UNC5D: variants seen among roughly 807,000 people sequenced by gnomAD.
UNC5D encodes unc-5 netrin receptor D.
A neutral mutation model predicts 105.4 loss-of-function variants in UNC5D; 39 were observed. The ratio of observed to expected loss-of-function variants is 0.37; its 90% confidence interval spans 0.29 to 0.48. UNC5D has a LOEUF of 0.48. UNC5D is among the 20% of genes least tolerant of loss of function. UNC5D has a pLI of 0.98. For missense variants in UNC5D, 991 were observed against 1,202.4 expected, an observed-to-expected ratio of 0.82 and a Z score of 2.60; for synonymous variants, 452 against 450.4, an observed-to-expected ratio of 1.00 and a Z score of -0.04.
intron 1 of UNC5D, among the ~76,000 whole-genome samples, chr8:35,399,272 T>C (rs1053631402): frequency 6.6e-6 from 1 of 151,482 alleles, no homozygotes; most frequent in Non-Finnish European, 1.5e-5. Context: ...AGCAAACCAA[T>C]AGACTCTTCA....
intron 1 of UNC5D, among the ~76,000 whole-genome samples, chr8:35,391,188 A>G (rs537176074): frequency 6.6e-6 from 1 of 152,340 alleles, no homozygotes; most frequent in East Asian, 1.9e-4. Flanking sequence ...TATTTGTTCA[A>G]CCTTAATGTT....
chr8:35,414,123 T>C (rs541774836), intron 1 of UNC5D, among the ~76,000 whole-genome samples: 3 of 152,300 alleles, frequency 2.0e-5, no homozygotes, highest in African/African-American at 4.8e-5. Context: ...TCATTAATTC[T>C]ACTGTTTAAT....
chr8:35,499,846 A>G (rs1191747090), intron 1 of UNC5D, among the ~76,000 whole-genome samples: 1 of 152,202 alleles, frequency 6.6e-6, no homozygotes, highest in Admixed American at 6.5e-5. Context: ...ATTGAAAAAC[A>G]TCCATGAATC....
intron 1 of UNC5D, among the ~76,000 whole-genome samples, chr8:35,358,527 T>A (rs1040205989): frequency 6.6e-6 from 1 of 152,068 alleles, no homozygotes; most frequent in African/African-American, 2.4e-5. Context: ...GGAAAAAATA[T>A]CTAATGTGTG....
At chr8:35,252,742 T>A (rs894938453) in intron 1 of UNC5D, among the ~76,000 whole-genome samples, 3 of 152,078 alleles carry the variant, frequency 2.0e-5, no homozygotes, top group Admixed American at 2.0e-4. Flanking sequence ...TGTCTAATGG[T>A]ATACACTTTC....
intron 4 of UNC5D, among the ~76,000 whole-genome samples, chr8:35,650,868 C>T (rs1823362957): frequency 1.3e-5 from 2 of 152,228 alleles, no homozygotes; most frequent in South Asian, 4.1e-4. Flanking sequence ...CTTTACAAAT[C>T]CTGATGGTTT....
chr8:35,303,181 T>C (rs1808088720), intron 1 of UNC5D, among the ~76,000 whole-genome samples: 1 of 152,132 alleles, frequency 6.6e-6, no homozygotes, highest in African/African-American at 2.4e-5. Context: ...CACATCTCAA[T>C]TTGGATGCTA....
intron 16 of UNC5D, among the ~76,000 whole-genome samples, chr8:35,787,968 T>C (rs1228680522): frequency 6.6e-6 from 1 of 151,894 alleles, no homozygotes; most frequent in East Asian, 1.9e-4. Context: ...TCTATTAGTA[T>C]AGCAATGAAT....
At chr8:35,654,916 G>A (rs964154678) in intron 4 of UNC5D, among the ~76,000 whole-genome samples, 5 of 152,108 alleles carry the variant, frequency 3.3e-5, no homozygotes, top group East Asian at 1.9e-4. Flanking sequence ...GAGCTAGATG[G>A]AGTCCCTTCT....
At chr8:35,363,719 G>A (rs1288923151) in intron 1 of UNC5D, among the ~76,000 whole-genome samples, 1 of 152,136 alleles carries the variant, frequency 6.6e-6, no homozygotes, top group Non-Finnish European at 1.5e-5. Context: ...TTTTCTGCTT[G>A]TAATTTAGAA....
At chr8:35,602,856 G>A (rs199622518) in intron 4 of UNC5D, among the ~76,000 whole-genome samples, 1 of 54,082 alleles carries the variant, frequency 1.8e-5, no homozygotes. Flanking sequence ...ATATCTCCCA[G>A]TGCTATCCCT....
At position 35,389,490 on chromosome 8, in the gene UNC5D, T is replaced by C. The variant is rs1585729725; in HGVS notation, c.103+153603T>C. Among the ~76,000 whole-genome samples the C allele has an allele frequency of 2.0e-5, 3 of 152,244 alleles. No individual in the cohort carries two copies. The East Asian group carries it at 5.8e-4, about 29-fold the overall frequency. ...GTCTTTTGTTTGGAAAACAATACCA[T>C]AACATGACTGTAATGATGAAAATCC... On this transcript the variant is annotated intron_variant, in intron 1 of 16. Coordinates refer to ENST00000404895, the MANE Select transcript of UNC5D (RefSeq NM_080872.4).
At chr8:35,330,905 C>T (rs2128893756) in intron 1 of UNC5D, among the ~76,000 whole-genome samples, 1 of 152,284 alleles carries the variant, frequency 6.6e-6, no homozygotes, top group South Asian at 2.1e-4. Flanking sequence ...TGCACCATCT[C>T]ACTGTAAAGT....
chr8:35,737,962 CG>C (rs1829560818), intron 11 of UNC5D, among the ~76,000 whole-genome samples: 1 of 151,900 alleles, frequency 6.6e-6, no homozygotes, highest in Admixed American at 6.6e-5. Context: ...CAAAATTAGC[CG>C]GGTGTGGTGG....
At chr8:35,457,396 C>A (rs1220278461) in intron 1 of UNC5D, among the ~76,000 whole-genome samples, 1 of 152,132 alleles carries the variant, frequency 6.6e-6, no homozygotes, top group Non-Finnish European at 1.5e-5. Flanking sequence ...AACAGAATGA[C>A]AATGACCAGG....
chr8:35,271,391 A>G (rs10216790), intron 1 of UNC5D, among the ~76,000 whole-genome samples: 9,046 of 93,510 alleles, frequency 0.097, 450 homozygotes, highest in South Asian at 0.18. Context: ...ATGTACACAC[A>G]TGCACGTGTG....
chr8:35,329,700 G>T (rs1810461977), intron 1 of UNC5D, among the ~76,000 whole-genome samples: 1 of 152,078 alleles, frequency 6.6e-6, no homozygotes, highest in Non-Finnish European at 1.5e-5. Context: ...GTCTGTAACT[G>T]GGGCCTAGTG....
At position 35,259,379 on chromosome 8, in the gene UNC5D, T is replaced by A. The variant is rs1000254520; in HGVS notation, c.103+23492T>A. 2.0e-5 allele frequency among the ~76,000 whole-genome samples: 3 copies of A among 152,142 alleles called. No individual in the cohort carries two copies. In the East Asian group the frequency reaches 5.8e-4, roughly 29 times the overall value. The stretch of plus-strand genomic sequence containing the variant: ...CAGTACTTTCCTGGGCAGAAGTGAA[T>A]GCTGGCTGGACGTGAGCTACCATAA... On this transcript the variant is annotated intron_variant, in intron 1 of 16. Coordinates refer to ENST00000404895, the MANE Select transcript of UNC5D (RefSeq NM_080872.4).
At chr8:35,790,268 A>C in intron 16 of UNC5D, 91 bp from the exon 17 acceptor site, 1 of 1,383,326 alleles carries the variant, frequency 7.2e-7, no homozygotes, top group Non-Finnish European at 1.0e-6. Flanking sequence ...CATCTATTAA[A>C]ATTCATTTTT....
Sources: gnomAD v4.1 joint callset for allele counts (sites outside exome capture counted in the v4.1 genomes callset) on GRCh38, gnomAD v4.1.1 for gene constraint, MANE v1.5 for transcripts, NCBI Gene and HGNC (gene_info 2026-07-23, HGNC 2026-07-21) for gene names.